The following HAO2 variants were observed in gnomAD, a reference collection of about 807,000 sequenced individuals.
The protein encoded by HAO2 is 2-Hydroxyacid oxidase 2.
In HAO2, 42 loss-of-function variants were observed where a neutral mutation model predicts 37.4. The observed-to-expected ratio is 1.12, with a 90% confidence interval of 0.88 to 1.45. The LOEUF (loss-of-function observed/expected upper bound fraction) is 1.45, where lower values mean the gene tolerates loss of function less well. HAO2 is among the 40% of genes most tolerant of loss of function. The probability of loss-of-function intolerance (pLI) is 0.00; values close to 1 mark genes in which losing one functional copy is unlikely to be tolerated. For missense variants in HAO2, 476 were observed against 430.2 expected, an observed-to-expected ratio of 1.11 and a Z score of -0.94; for synonymous variants, 180 against 162.8, an observed-to-expected ratio of 1.11 and a Z score of -0.81.
chr1:119,385,488 G>T (rs1650304968), intron 4 of HAO2: 2 of 775,672 alleles, frequency 2.6e-6, no homozygotes, highest in South Asian at 5.9e-5. Context: ...CAAAGTGACT[G>T]GCCAGACAGT....
At chr1:119,384,630 C>A (rs1204213207) in intron 3 of HAO2, 146 bp from the exon 4 acceptor site, 3 of 664,140 alleles carry the variant, frequency 4.5e-6, no homozygotes, top group Non-Finnish European at 7.6e-6. Context: ...TGCCTTCCAT[C>A]CCTTTCTTAC....
intron 1 of HAO2, among the ~76,000 whole-genome samples, chr1:119,378,200 C>T (rs888446470): frequency 6.6e-6 from 1 of 151,982 alleles, no homozygotes; most frequent in Non-Finnish European, 1.5e-5. Flanking sequence ...AGTCCAGAAC[C>T]AACTGCACTC....
intron 1 of HAO2, among the ~76,000 whole-genome samples, chr1:119,371,427 ATAAT>A (rs1648998592): frequency 6.6e-6 from 1 of 152,226 alleles, no homozygotes; most frequent in South Asian, 2.1e-4. Flanking sequence ...GATTGGCTGA[ATAAT>A]TAAGATTTTT....
intron 1 of HAO2, 142 bp from the exon 2 acceptor site, chr1:119,380,936 G>T: frequency 1.3e-6 from 1 of 781,726 alleles, no homozygotes; most frequent in African/African-American, 1.7e-5. Flanking sequence ...ACTGGCTTTA[G>T]CAATAACTCT....
chr1:119,390,260 AT>A (rs57895803), intron 5 of HAO2, among the ~76,000 whole-genome samples: 4,464 of 151,512 alleles, frequency 0.029, 205 homozygotes, highest in African/African-American at 0.1. Context: ...ATTTGGATTT[AT>A]TTTTTTTTAT....
chr1:119,380,725 C>T, intron 1 of HAO2: 2 of 1,589,380 alleles, frequency 1.3e-6, no homozygotes, highest in East Asian at 2.2e-5. Flanking sequence ...AATGTGAAGG[C>T]AAGATACAAA....
chr1:119,379,506 T>C (rs1312221707), intron 1 of HAO2, among the ~76,000 whole-genome samples: 4 of 151,162 alleles, frequency 2.6e-5, no homozygotes, highest in East Asian at 1.9e-4. Context: ...GCAACTGTGA[T>C]ATAATTGGTA....
Position 119,383,053 on chromosome 1 carries a change from G to A in HAO2, c.270G>A (p.Met90Ile), listed in dbSNP as rs1275178598. ...FHCLVWPDGE[M>I]STARAAQAAG... ...GCCTTGTCTGGCCTGATGGGGAAAT[G>A]AGCACAGCAAGAGGTATGAACCATC... is the stretch of plus-strand genomic sequence containing the variant. Residue 90 changes from methionine (M) to isoleucine (I), a missense_variant, in exon 3 of 8, where the codon ATG becomes ATA. By Grantham distance (10) the Met-to-Ile change is conservative (BLOSUM62 1). Transcript: ENST00000325945. The A allele has an allele frequency of 3.1e-6, 5 of 1,612,276 alleles. 1 individual carries two copies. The highest frequency in any genetic ancestry group is 1.6e-4 in the Middle Eastern group (1 of 6,078).
intron 5 of HAO2, among the ~76,000 whole-genome samples, chr1:119,390,495 C>A (rs866755877): frequency 6.6e-6 from 1 of 152,160 alleles, no homozygotes; most frequent in African/African-American, 2.4e-5. Flanking sequence ...GTGGTTCACC[C>A]GCCTCAGCCT....
chr1:119,379,763 T>C (rs1649771672), intron 1 of HAO2, among the ~76,000 whole-genome samples: 1 of 152,114 alleles, frequency 6.6e-6, no homozygotes, highest in Non-Finnish European at 1.5e-5. Flanking sequence ...GTCTGTCATA[T>C]AATTTCTTCC....
At chr1:119,371,577 T>C (rs1490021680) in intron 1 of HAO2, among the ~76,000 whole-genome samples, 1 of 152,232 alleles carries the variant, frequency 6.6e-6, no homozygotes, top group African/African-American at 2.4e-5. Flanking sequence ...CATTTTCTTC[T>C]TTCTATAGTG....
At chr1:119,391,018 T>C (rs980364187) in intron 5 of HAO2, among the ~76,000 whole-genome samples, 4 of 152,150 alleles carry the variant, frequency 2.6e-5, no homozygotes, top group African/African-American at 9.7e-5. Flanking sequence ...GCTGGGACTA[T>C]AAAAAATGCC....
At chr1:119,384,754 A>G (rs1300232376) in intron 3 of HAO2, 22 bp from the exon 4 acceptor site, 2 of 1,610,154 alleles carry the variant, frequency 1.2e-6, no homozygotes, top group Admixed American at 1.7e-5. Context: ...CTCCAGCCTG[A>G]GTCATGTCCT....
chr1:119,390,830 CT>C (rs1196113243), intron 5 of HAO2, among the ~76,000 whole-genome samples: 1 of 152,054 alleles, frequency 6.6e-6, no homozygotes, highest in Non-Finnish European at 1.5e-5. Flanking sequence ...TCTCAAAATC[CT>C]TACCTTTTAT....
chr1:119,381,373 G>A (rs913115284), intron 2 of HAO2, among the ~76,000 whole-genome samples, 157 bp downstream of exon 2: 1 of 152,184 alleles, frequency 6.6e-6, no homozygotes, highest in African/African-American at 2.4e-5. Flanking sequence ...TGTTAGGGCA[G>A]GGGAGGGAGG....
chr1:119,383,470 G>A (rs587732758), intron 3 of HAO2, among the ~76,000 whole-genome samples: 1 of 152,296 alleles, frequency 6.6e-6, no homozygotes, highest in South Asian at 2.1e-4. Context: ...TTAGGATGAG[G>A]AGAGAATCAC....
At chr1:119,380,770 G>A (rs779457909) in intron 1 of HAO2, 1 of 1,233,918 alleles carries the variant, frequency 8.1e-7, no homozygotes, top group Admixed American at 1.7e-5. Context: ...TTTAAGAAGT[G>A]GTGGGGCCTC....
chr1:119,391,320 A>T (rs906513482), intron 5 of HAO2, among the ~76,000 whole-genome samples: 2 of 152,038 alleles, frequency 1.3e-5, no homozygotes, highest in African/African-American at 2.4e-5. Context: ...TTCCGCCTTG[A>T]TCCATAAGGG....
At chr1:119,369,208 G>A (rs369830887) in intron 1 of HAO2, among the ~76,000 whole-genome samples, 48 of 152,292 alleles carry the variant, frequency 3.2e-4, no homozygotes, top group African/African-American at 1.1e-3. Flanking sequence ...ACTTGACAGC[G>A]TTCTGAAAAC....
Sources: gnomAD v4.1 joint callset for allele counts (sites outside exome capture counted in the v4.1 genomes callset) on GRCh38, gnomAD v4.1.1 for gene constraint, MANE v1.5 for transcripts, NCBI Gene and HGNC (gene_info 2026-07-23, HGNC 2026-07-21) for gene names.